The following WWOX variants were observed in gnomAD, a reference collection of about 807,000 sequenced individuals.
WWOX encodes the protein WW domain containing oxidoreductase.
WWOX carries 69 observed loss-of-function variants against 46.2 expected under a neutral mutation model. The observed-to-expected ratio is 1.49, with a 90% confidence interval of 1.23 to 1.82. The LOEUF is 1.82. Ranked by LOEUF, WWOX falls within the 40% of genes most tolerant of loss-of-function variation. WWOX has a pLI of 0.00. For missense variants in WWOX, 919 were observed against 542.6 expected (o/e 1.69, Z -6.89); for synonymous variants, 359 against 202.6 (o/e 1.77, Z -6.56).
At chr16:78,330,708 C>A (rs574746582) in intron 5 of WWOX, among the ~76,000 whole-genome samples, 1 of 152,182 alleles carries the variant, frequency 6.6e-6, no homozygotes, top group Non-Finnish European at 1.5e-5. Context: ...AGTAACATTT[C>A]TATGCAACTA....
At chr16:78,919,662 C>G (rs1289243160) in intron 8 of WWOX, among the ~76,000 whole-genome samples, 1 of 151,924 alleles carries the variant, frequency 6.6e-6, no homozygotes, top group Non-Finnish European at 1.5e-5. Flanking sequence ...GGATTACAGG[C>G]ACACACCACC....
intron 8 of WWOX, among the ~76,000 whole-genome samples, chr16:78,489,414 C>G (rs1021374071): frequency 1.9e-4 from 29 of 152,156 alleles, no homozygotes; most frequent in African/African-American, 6.8e-4. Flanking sequence ...AACCTGCTAA[C>G]ATACATTTCA....
intron 3 of WWOX, among the ~76,000 whole-genome samples, chr16:78,112,627 T>G (rs2032555269): frequency 1.3e-5 from 2 of 151,888 alleles, no homozygotes; most frequent in African/African-American, 4.8e-5. Context: ...TTTCCTCAAC[T>G]AATTAAGGGT....
At chr16:79,032,066 A>C (rs1190838115) in intron 8 of WWOX, among the ~76,000 whole-genome samples, 1 of 144,506 alleles carries the variant, frequency 6.9e-6, no homozygotes, top group Non-Finnish European at 1.5e-5. Flanking sequence ...TGTAATATAT[A>C]TATTATATAT....
At chr16:78,693,898 G>A (rs2048043626) in intron 8 of WWOX, among the ~76,000 whole-genome samples, 1 of 152,080 alleles carries the variant, frequency 6.6e-6, no homozygotes, top group Admixed American at 6.6e-5. Context: ...TCAGAGTTAA[G>A]CAGACTCGGC....
chr16:78,107,697 A>G (rs1697671526), intron 1 of WWOX, among the ~76,000 whole-genome samples: 1 of 152,162 alleles, frequency 6.6e-6, no homozygotes, highest in African/African-American at 2.4e-5. Context: ...TAGCTGGGCA[A>G]GGTGGCACGG....
At chr16:78,321,420 GTA>G (rs1215890742) in intron 5 of WWOX, among the ~76,000 whole-genome samples, 29 of 126,780 alleles carry the variant, frequency 2.3e-4, no homozygotes, top group African/African-American at 2.6e-4. Context: ...ATATATGTGT[GTA>G]TATATATATA....
intron 8 of WWOX, among the ~76,000 whole-genome samples, chr16:78,976,977 A>G (rs547716304): frequency 6.6e-6 from 1 of 152,042 alleles, no homozygotes. Context: ...TGTTCGTTTT[A>G]TGTTTTTGAA....
chr16:78,802,915 G>GAAAAAAAAAAAAAAAAAAAAAAAAAAAAA (rs71376394), intron 8 of WWOX, among the ~76,000 whole-genome samples: 1 of 10,452 alleles, frequency 9.6e-5, no homozygotes, highest in African/African-American at 3.1e-4. Context: ...GACTTCATCT[G>GAAAAAAAAAAAAAAAAAAAAAAAAAAAAA]AAAAAAAAAA....
intron 8 of WWOX, among the ~76,000 whole-genome samples, chr16:79,002,624 A>G (rs894619763): frequency 1.3e-5 from 2 of 152,220 alleles, no homozygotes; most frequent in African/African-American, 4.8e-5. Context: ...CTGACTTTGC[A>G]TGAGGCCCTT....
At chr16:78,608,650 C>G (rs574590441) in intron 8 of WWOX, among the ~76,000 whole-genome samples, 26 of 152,302 alleles carry the variant, frequency 1.7e-4, no homozygotes, top group African/African-American at 6.3e-4. Flanking sequence ...TTCCATCTTC[C>G]TGTCAGTTGG....
At chr16:79,009,339 T>C (rs983741834) in intron 8 of WWOX, among the ~76,000 whole-genome samples, 5 of 152,322 alleles carry the variant, frequency 3.3e-5, no homozygotes, top group Non-Finnish European at 7.3e-5. Flanking sequence ...TGCTCTGCAC[T>C]GCTGTGGCTC....
chr16:78,874,459 C>T lies in WWOX; in HGVS notation c.1057-337149C>T, dbSNP rs541466748. Among the ~76,000 whole-genome samples the T allele has an allele frequency of 7.2e-5, 11 of 151,982 alleles. No homozygotes were observed. The East Asian group carries it at 1.6e-3, about 21-fold the overall frequency. On this transcript the variant is annotated intron_variant, in intron 8 of 8. Coordinates refer to ENST00000566780, the MANE Select transcript of WWOX (RefSeq NM_016373.4). Reference sequence around the variant, plus strand: ...CTGGTTCTGCTACCTCCAACTGGGTCGATTTCAAAAAATTATGGACTTGTC... The same window carrying T: ...CTGGTTCTGCTACCTCCAACTGGGTTGATTTCAAAAAATTATGGACTTGTC...
At chr16:78,694,105 G>A (rs1299431502) in intron 8 of WWOX, among the ~76,000 whole-genome samples, 1 of 152,096 alleles carries the variant, frequency 6.6e-6, no homozygotes, top group Admixed American at 6.5e-5. Context: ...GGTAGTGTGT[G>A]CATATAATCC....
chr16:78,609,918 G>C (rs906391176), intron 8 of WWOX, among the ~76,000 whole-genome samples: 2 of 152,168 alleles, frequency 1.3e-5, no homozygotes, highest in East Asian at 3.8e-4. Flanking sequence ...TTAAGAGCTT[G>C]TGCGTGTGTA....
chr16:78,214,890 A>C (rs1447647233), intron 5 of WWOX, among the ~76,000 whole-genome samples: 1 of 152,144 alleles, frequency 6.6e-6, no homozygotes, highest in African/African-American at 2.4e-5. Flanking sequence ...AACTAGGGAT[A>C]CTACTTGGTA....
At chr16:78,997,223 T>G (rs1407183426) in intron 8 of WWOX, among the ~76,000 whole-genome samples, 1 of 152,120 alleles carries the variant, frequency 6.6e-6, no homozygotes, top group East Asian at 1.9e-4. Flanking sequence ...CAAAGCAAAC[T>G]GAAATAAAAT....
chr16:79,015,266 A>G (rs2047390422), intron 8 of WWOX, among the ~76,000 whole-genome samples: 1 of 152,160 alleles, frequency 6.6e-6, no homozygotes, highest in South Asian at 2.1e-4. Context: ...AAAAAGCGAG[A>G]CAATGGGGTC....
chr16:78,737,943 A>C (rs1436377522), intron 8 of WWOX, among the ~76,000 whole-genome samples: 1 of 151,932 alleles, frequency 6.6e-6, no homozygotes, highest in Non-Finnish European at 1.5e-5. Context: ...GTTTTAATCA[A>C]TTTTCCCCAT....
Sources: gnomAD v4.1 joint callset for allele counts (sites outside exome capture counted in the v4.1 genomes callset) on GRCh38, gnomAD v4.1.1 for gene constraint, MANE v1.5 for transcripts, NCBI Gene and HGNC (gene_info 2026-07-23, HGNC 2026-07-21) for gene names.